The following LMCD1 variants were observed in gnomAD, a reference collection of about 807,000 sequenced individuals.
LMCD1 encodes the protein LIM and cysteine rich domains 1.
A neutral mutation model predicts 42.7 loss-of-function variants in LMCD1; 32 were observed. The observed-to-expected ratio is 0.75, with a 90% confidence interval of 0.57 to 1.01. LMCD1 has a LOEUF of 1.01. LMCD1 is among the 50% of genes least tolerant of loss of function. The pLI, the probability that LMCD1 is intolerant of heterozygous loss-of-function variation, is 0.00. For missense variants in LMCD1, 458 were observed against 483.1 expected, an observed-to-expected ratio of 0.95 and a Z score of 0.49; for synonymous variants, 178 against 184.9, an observed-to-expected ratio of 0.96 and a Z score of 0.30.
chr3:8,509,400 T>C (rs1443491226), intron 1 of LMCD1, among the ~76,000 whole-genome samples: 1 of 152,160 alleles, frequency 6.6e-6, no homozygotes, highest in Non-Finnish European at 1.5e-5. Context: ...ACCCTTTCCA[T>C]AGCAGCCCTC....
chr3:8,567,615 A>C lies in LMCD1; in HGVS notation c.*17A>C. 2 of 1,603,598 alleles carry C rather than the reference A, an allele frequency of 1.2e-6. No homozygotes were observed. Among genetic ancestry groups the C allele is most frequent in the South Asian group, 2.2e-5 (2 of 90,402 alleles). On this transcript the variant is annotated 3_prime_UTR_variant, in exon 6 of 6. Coordinates refer to ENST00000157600, the MANE Select transcript of LMCD1 (RefSeq NM_014583.4). ...CGCTCCTGAAGGGCTGCCCACCCAC[A>C]GCCAGAATCCACAGGATCCCACCGA...
chr3:8,565,971 T>G (rs1695126966), intron 5 of LMCD1, among the ~76,000 whole-genome samples: 1 of 152,228 alleles, frequency 6.6e-6, no homozygotes, highest in South Asian at 2.1e-4. Flanking sequence ...CATCTCTTAT[T>G]ATTATTATCA....
At chr3:8,565,308 G>A (rs1187542496) in intron 4 of LMCD1, 124 bp from the exon 5 acceptor site, 4 of 756,126 alleles carry the variant, frequency 5.3e-6, no homozygotes, top group Non-Finnish European at 9.2e-6. Context: ...ACTGAGGCAC[G>A]AAGAGGTATA....
At chr3:8,565,691 T>C in intron 5 of LMCD1, 44 bp downstream of exon 5, 2 of 1,519,140 alleles carry the variant, frequency 1.3e-6, no homozygotes, top group Non-Finnish European at 1.8e-6. Context: ...TGAGGGACAC[T>C]GCTGAGGGTA....
chr3:8,554,624 A>G (rs73135697), intron 4 of LMCD1, among the ~76,000 whole-genome samples: 4,832 of 152,154 alleles, frequency 0.032, 291 homozygotes, highest in African/African-American at 0.11. Context: ...CATTCACACC[A>G]GGCTGGTGGG....
At chr3:8,515,098 A>C (rs12715650) in intron 1 of LMCD1, 181,339 of 442,566 alleles carry the variant, frequency 0.41, 40,450 homozygotes, top group Non-Finnish European at 0.5. Flanking sequence ...GTGAGGCCAA[A>C]GCATGGAAAG....
intron 4 of LMCD1, chr3:8,550,559 A>G (rs966282452): frequency 1.0e-6 from 1 of 985,086 alleles, no homozygotes; most frequent in Non-Finnish European, 1.2e-6. Flanking sequence ...TTGCCAACCA[A>G]GAAACTGTTT....
Position 8,567,461 on chromosome 3 carries a change from C to T in LMCD1, c.961C>T (p.Gln321Ter). Reference protein sequence around the residue: ...CDEIIFAEDYQRVEDLAWHRK... With the variant: ...CDEIIFAEDY ...CCAGATAATATTCGCTGAGGACTAC[C>T]AGCGTGTGGAAGATCTGGCCTGGCA... Residue 321 changes from glutamine to a stop codon, truncating the protein, a stop_gained, in exon 6 of 6, where the codon CAG becomes TAG. Transcript: ENST00000157600. LOFTEE classifies it high-confidence loss of function. 6.2e-7 allele frequency: 1 copy of T among 1,613,866 alleles called. No homozygotes were observed. Among genetic ancestry groups the T allele is most frequent in the Non-Finnish European group, 8.5e-7 (1 of 1,179,942 alleles).
chr3:8,514,820 G>A (rs1361000155), intron 1 of LMCD1: 3 of 389,604 alleles, frequency 7.7e-6, no homozygotes, highest in African/African-American at 6.2e-5. Context: ...AACAGTGATA[G>A]AAATCAGAAT....
At chr3:8,565,242 C>T (rs775444464) in intron 4 of LMCD1, among the ~76,000 whole-genome samples, 190 bp from the exon 5 acceptor site, 2 of 152,044 alleles carry the variant, frequency 1.3e-5, no homozygotes, top group Non-Finnish European at 2.9e-5. Context: ...TTATTTAGTC[C>T]TCGTGAATAG....
intron 1 of LMCD1, among the ~76,000 whole-genome samples, chr3:8,513,124 A>G (rs1185223052): frequency 6.6e-5 from 10 of 152,162 alleles, no homozygotes; most frequent in African/African-American, 2.4e-4. Context: ...CTCTGTATGT[A>G]ACTTCTCCTT....
rs771397058 is a variant in LMCD1 at position 8,537,264 on chromosome 3, C to G, written c.211C>G (p.Arg71Gly). The G allele has an allele frequency of 6.2e-7, 1 of 1,613,950 alleles. No homozygotes were observed. Residue 71 changes from arginine to glycine, a missense_variant, in exon 3 of 6, where the codon CGC becomes GGC. Arg to Gly is a moderately radical substitution (Grantham distance 125). Transcript: ENST00000157600. ...CCTAGAAGACGATCGGAAAATTGGC[C>G]GCTTGCTGATGGACTCCAAGTATTC... ...SDLEDDRKIG[R>G]LLMDSKYSTL...
intron 1 of LMCD1, among the ~76,000 whole-genome samples, chr3:8,518,170 A>G (rs6806939): frequency 0.38 from 57,944 of 152,020 alleles, 12,170 homozygotes; most frequent in Non-Finnish European, 0.49. Context: ...AGCTCCCCCA[A>G]CACTTTGTCA....
At chr3:8,549,491 T>G (rs1009188169) in intron 4 of LMCD1, among the ~76,000 whole-genome samples, 1 of 152,158 alleles carries the variant, frequency 6.6e-6, no homozygotes, top group African/African-American at 2.4e-5. Context: ...TTAGCTGCAC[T>G]GCCCCAGGAA....
At chr3:8,520,242 A>G (rs564493340) in intron 1 of LMCD1, among the ~76,000 whole-genome samples, 72 of 152,192 alleles carry the variant, frequency 4.7e-4, no homozygotes, top group Non-Finnish European at 2.2e-4. Flanking sequence ...ACACACACAC[A>G]CCAAATGACA....
At chr3:8,532,905 G>A (rs531232108) in intron 2 of LMCD1, 80 bp downstream of exon 2, 23 of 1,122,968 alleles carry the variant, frequency 2.0e-5, no homozygotes, top group African/African-American at 1.7e-4. Flanking sequence ...TGCTTTCTTC[G>A]CTGAGACTGC....
chr3:8,505,159 A>G (rs1454281180), intron 1 of LMCD1, among the ~76,000 whole-genome samples: 1 of 152,162 alleles, frequency 6.6e-6, no homozygotes. Flanking sequence ...TGCGGAAAGG[A>G]ATTTTCTGGT....
At chr3:8,564,466 C>G (rs746171150) in intron 4 of LMCD1, among the ~76,000 whole-genome samples, 1 of 152,026 alleles carries the variant, frequency 6.6e-6, no homozygotes, top group Non-Finnish European at 1.5e-5. Flanking sequence ...GAGATGGGGT[C>G]TTGCTATGTT....
intron 1 of LMCD1, among the ~76,000 whole-genome samples, chr3:8,520,257 T>C (rs573925342): frequency 6.6e-6 from 1 of 152,252 alleles, no homozygotes; most frequent in African/African-American, 2.4e-5. Context: ...ATGACATTCC[T>C]ACAGGATGAC....
Sources: gnomAD v4.1 joint callset for allele counts (sites outside exome capture counted in the v4.1 genomes callset) on GRCh38, gnomAD v4.1.1 for gene constraint, MANE v1.5 for transcripts, NCBI Gene and HGNC (gene_info 2026-07-23, HGNC 2026-07-21) for gene names.